GAK: variants seen among roughly 807,000 people sequenced by gnomAD.
GAK encodes cyclin G associated kinase.
A neutral mutation model predicts 143.9 loss-of-function variants in GAK; 79 were observed. The observed-to-expected ratio is 0.55, with a 90% CI of 0.46 to 0.66. GAK has a LOEUF of 0.66. GAK is among the 30% of genes least tolerant of loss of function. The pLI, the probability that GAK is intolerant of heterozygous loss-of-function variation, is 0.00. For synonymous variants in GAK, 881 were observed against 765.5 expected (o/e 1.15, Z -2.49); for missense variants, 1,693 against 1,779.7 (o/e 0.95, Z 0.88).
intron 22 of GAK, among the ~76,000 whole-genome samples, chr4:865,845 C>T (rs1452803314): frequency 6.6e-6 from 1 of 152,262 alleles, no homozygotes; most frequent in Non-Finnish European, 1.5e-5. Flanking sequence ...TGGAGGGGCG[C>T]GCAGCCCTCT....
At position 892,399 on chromosome 4, in the gene GAK, G is replaced by A. The variant is rs113669920; in HGVS notation, c.990+978C>T. Among the ~76,000 whole-genome samples the A allele has an allele frequency of 8.5e-4, 130 of 152,332 alleles. 1 individual carries two copies. The highest frequency in any genetic ancestry group is 3.0e-3 in the African/African-American group (124 of 41,582). ...ATGCCCAGGGGCCTCCCTGCTCCCC[G>A]TGGGTGAGGGCCGGGCCGCGTGTCT... On this transcript the variant is annotated intron_variant, in intron 9 of 27. Transcript: ENST00000314167.
At chr4:905,624 TCGGACTCTGCCACGCCCCAGGCCATGCCA>T (rs1720947753) in intron 4 of GAK, among the ~76,000 whole-genome samples, 2 of 133,954 alleles carry the variant, frequency 1.5e-5, no homozygotes, top group South Asian at 2.5e-4. Context: ...AGGCCACGCT[TCGGACTCTGCCACGCCCCAGGCCATGCCA>T]CGGACTCTGC....
At chr4:894,243 C>T (rs60000797) in intron 7 of GAK, 5 of 150,506 alleles carry the variant, frequency 3.3e-5, no homozygotes, top group Non-Finnish European at 5.6e-5. Flanking sequence ...GGGTGACACC[C>T]GGGCCGCGGG....
intron 12 of GAK, 30 bp from the exon 13 acceptor site, chr4:883,493 G>A: frequency 6.2e-7 from 1 of 1,610,592 alleles, no homozygotes; most frequent in African/African-American, 1.3e-5. Flanking sequence ...GTCAGCACCT[G>A]GGAGATGCGC....
rs116995254 is a variant in GAK, at chr4:866,120, G to A, written c.3043+244C>T. The stretch of plus-strand genomic sequence containing the variant: ...CACCTGTTGCCAGTCACAGACGACT[G>A]AGGCACTGCAGGGCCCCACAACCTG... On this transcript the variant is annotated intron_variant, in intron 22 of 27. Coordinates refer to ENST00000314167, the MANE Select transcript of GAK (RefSeq NM_005255.4). Among the ~76,000 whole-genome samples, 89 of 152,374 alleles carry A rather than the reference G, an allele frequency of 5.8e-4. 2 individuals are homozygous for A. The East Asian group carries it at 0.016, about 27-fold the overall frequency.
chr4:884,733 A>G (rs1715914427), intron 11 of GAK, among the ~76,000 whole-genome samples: 1 of 152,216 alleles, frequency 6.6e-6, no homozygotes. Flanking sequence ...GCAGCTGTGT[A>G]AGAATGGCCA....
Position 851,953 on chromosome 4 carries a change from G to A in GAK, c.3305C>T (p.Pro1102Leu), listed in dbSNP as rs1462883933. The A allele has an allele frequency of 4.3e-6, 7 of 1,613,716 alleles. No homozygotes were observed. Among genetic ancestry groups the A allele is most frequent in the Non-Finnish European group, 5.9e-6 (7 of 1,179,920 alleles). Residue 1102 changes from proline to leucine, a missense_variant, in exon 25 of 28, where the codon CCT (proline) becomes CTT (leucine). Transcript: ENST00000314167. ...GGCCGTTTTGGGAATGAAGCCCCCA[G>A]GAGGGAATCCAGCTGGTGAGCCTGT... ...GLQGSPAGFP[P>L]GGFIPKTATT...
At chr4:902,614 A>AAAAAAAAAAAAAAAAC (rs796109765) in intron 5 of GAK, among the ~76,000 whole-genome samples, 4 of 148,292 alleles carry the variant, frequency 2.7e-5, no homozygotes. Context: ...AAAAAAAAAA[A>AAAAAAAAAAAAAAAAC]CCCCAAAAAA....
At chr4:897,744 A>G (rs1420931597) in intron 6 of GAK, among the ~76,000 whole-genome samples, 1 of 152,134 alleles carries the variant, frequency 6.6e-6, no homozygotes, top group Non-Finnish European at 1.5e-5. Flanking sequence ...ACGTCAAGAG[A>G]TAGAGACCAT....
At chr4:900,650 T>C (rs1719697359) in intron 5 of GAK, among the ~76,000 whole-genome samples, 1 of 151,880 alleles carries the variant, frequency 6.6e-6, no homozygotes. Flanking sequence ...GACTGGCCCC[T>C]CATGGAGCCC....
At chr4:916,418 C>T (rs2152953916) in intron 1 of GAK, among the ~76,000 whole-genome samples, 1 of 152,256 alleles carries the variant, frequency 6.6e-6, no homozygotes, top group African/African-American at 2.4e-5. Flanking sequence ...CCACACCCGG[C>T]TAATTTTTTT....
chr4:881,826 T>G, intron 15 of GAK, 81 bp downstream of exon 15: 2 of 1,465,552 alleles, frequency 1.4e-6, no homozygotes, highest in Non-Finnish European at 1.8e-6. Context: ...CGACTGGCCC[T>G]CCAGGAGACA....
chr4:891,826 C>T (rs981291239), intron 9 of GAK, among the ~76,000 whole-genome samples: 22 of 152,170 alleles, frequency 1.4e-4, no homozygotes, highest in African/African-American at 4.8e-4. Flanking sequence ...CAGGACGGCC[C>T]AGGAGTGATC....
At position 858,900 on chromosome 4, in the gene GAK, G is replaced by T. The variant is rs111412115; in HGVS notation, c.3283+706C>A. 2.2e-4 allele frequency among the ~76,000 whole-genome samples: 33 copies of T among 152,360 alleles called. 1 individual carries two copies. Among genetic ancestry groups the T allele is most frequent in the African/African-American group, 7.0e-4 (29 of 41,588 alleles). On this transcript the variant is annotated intron_variant, in intron 24 of 27. Coordinates refer to ENST00000314167, the MANE Select transcript of GAK (RefSeq NM_005255.4). ...ATAGCCTGGGGCTGCATGCTGGAGC[G>T]TCCGGGGGTCACCGGCACCAACAAG...
chr4:906,733 C>T (rs1338613108), intron 4 of GAK, among the ~76,000 whole-genome samples: 2 of 152,270 alleles, frequency 1.3e-5, no homozygotes, highest in East Asian at 3.9e-4. Context: ...TCCCACTCCA[C>T]ACCCCTGAAG....
chr4:862,722 G>A (rs1025117286), intron 23 of GAK, among the ~76,000 whole-genome samples: 3 of 151,834 alleles, frequency 2.0e-5, no homozygotes, highest in Non-Finnish European at 2.9e-5. Flanking sequence ...AGCAAAGCCT[G>A]GATGGCAGCC....
At position 921,395 on chromosome 4, in the gene GAK, A is replaced by G. The variant is rs111908199; in HGVS notation, c.146-7727T>C. On this transcript the variant is annotated intron_variant, in intron 1 of 27. Coordinates refer to ENST00000314167, the MANE Select transcript of GAK (RefSeq NM_005255.4). ...AGGCCTGGGCTACCACGCCCAGCCC[A>G]TCGAGATGATTTCTGAGGGAGGCAC... 8.8e-3 allele frequency among the ~76,000 whole-genome samples: 1,335 copies of G among 152,348 alleles called. 24 individuals are homozygous for G. The highest frequency in any genetic ancestry group is 0.03 in the African/African-American group (1,259 of 41,580).
intron 1 of GAK, among the ~76,000 whole-genome samples, chr4:915,198 C>T (rs1183006469): frequency 6.6e-6 from 1 of 150,938 alleles, no homozygotes; most frequent in Non-Finnish European, 1.5e-5. Context: ...ATACACGGCC[C>T]CGTGCACTCA....
chr4:858,156 A>G (rs1187642917), intron 24 of GAK, among the ~76,000 whole-genome samples: 1 of 152,222 alleles, frequency 6.6e-6, no homozygotes. Context: ...CCGTGCCTGC[A>G]GCTGGTGGGC....
Sources: gnomAD v4.1 joint callset for allele counts (sites outside exome capture counted in the v4.1 genomes callset) on GRCh38, gnomAD v4.1.1 for gene constraint, MANE v1.5 for transcripts, NCBI Gene and HGNC (gene_info 2026-07-23, HGNC 2026-07-21) for gene names.